PPP1R12B: variants seen among roughly 807,000 people sequenced by gnomAD.
PPP1R12B encodes the protein myosin phosphatase target subunit 2.
Under a neutral mutation model 126.1 loss-of-function variants are expected in PPP1R12B, and 76 were observed. The observed-to-expected ratio is 0.60, with a 90% CI of 0.50 to 0.73. The LOEUF (loss-of-function observed/expected upper bound fraction) is 0.73, where lower values mean the gene tolerates loss of function less well. Among genes scored for constraint, PPP1R12B ranks in the 30% least tolerant of loss-of-function variants. The probability of loss-of-function intolerance (pLI) is 0.00; values close to 1 mark genes in which losing one functional copy is unlikely to be tolerated. For missense variants in PPP1R12B, 1,052 were observed against 1,205.1 expected, an observed-to-expected ratio of 0.87 and a Z score of 1.88; for synonymous variants, 356 against 434.7, an observed-to-expected ratio of 0.82 and a Z score of 2.25.
At chr1:202,439,117 G>C (rs1322407219) in intron 10 of PPP1R12B, 9 of 1,566,060 alleles carry the variant, frequency 5.7e-6, no homozygotes, top group African/African-American at 2.7e-5. Flanking sequence ...TGACGTTCGA[G>C]GAGGAGGAGC....
intron 18 of PPP1R12B, among the ~76,000 whole-genome samples, chr1:202,504,473 T>A (rs1176639985): frequency 1.3e-5 from 2 of 152,218 alleles, no homozygotes; most frequent in Non-Finnish European, 1.5e-5. Flanking sequence ...TATTAAAATT[T>A]GATTTCTCTG....
chr1:202,536,518 G>GT (rs1157645075), intron 18 of PPP1R12B, among the ~76,000 whole-genome samples: 1 of 152,170 alleles, frequency 6.6e-6, no homozygotes, highest in Non-Finnish European at 1.5e-5. Context: ...TGAGCAAGTG[G>GT]TGAGTGAAGG....
chr1:202,562,179 C>G (rs1025167439), intron 19 of PPP1R12B, among the ~76,000 whole-genome samples: 2 of 152,152 alleles, frequency 1.3e-5, no homozygotes, highest in Non-Finnish European at 2.9e-5. Context: ...TGTCAAAATT[C>G]TAATCACAGG....
rs1684464605 is a variant in PPP1R12B, at chr1:202,535,706, G to A, written c.2491-23171G>A. Among the ~76,000 whole-genome samples the A allele has an allele frequency of 2.0e-5, 3 of 152,294 alleles. No homozygotes were observed. The South Asian group carries it at 6.2e-4, about 32-fold the overall frequency. On this transcript the variant is annotated intron_variant, in intron 18 of 23. Coordinates refer to ENST00000608999, the MANE Select transcript of PPP1R12B (RefSeq NM_002481.4). ...ACATCCTATCCTGCTTATCTGGAAT[G>A]AGTTATTTTCTAAACAAGTGGCTGT...
chr1:202,381,399 T>G (rs1370541067), intron 1 of PPP1R12B, among the ~76,000 whole-genome samples: 1 of 130,202 alleles, frequency 7.7e-6, no homozygotes, highest in African/African-American at 3.0e-5. Flanking sequence ...AGCTTTGGGG[T>G]GTGTGTGTGT....
At chr1:202,455,197 T>C (rs987634496) in intron 13 of PPP1R12B, among the ~76,000 whole-genome samples, 4 of 122,266 alleles carry the variant, frequency 3.3e-5, no homozygotes, top group Admixed American at 2.0e-4. Context: ...TATATACATA[T>C]ATATATATAG....
chr1:202,397,002 A>G (rs969486310), intron 1 of PPP1R12B, among the ~76,000 whole-genome samples: 2 of 152,090 alleles, frequency 1.3e-5, no homozygotes, highest in African/African-American at 4.8e-5. Flanking sequence ...TTTTATGTGA[A>G]TGCTTCTAAA....
At chr1:202,459,030 A>T (rs1404199927) in intron 13 of PPP1R12B, among the ~76,000 whole-genome samples, 4 of 152,204 alleles carry the variant, frequency 2.6e-5, no homozygotes, top group African/African-American at 9.7e-5. Flanking sequence ...AGAATGTTTT[A>T]TCTTAAGAGG....
intron 1 of PPP1R12B, among the ~76,000 whole-genome samples, chr1:202,357,957 C>T (rs756031897): frequency 3.7e-4 from 57 of 152,150 alleles, no homozygotes; most frequent in Non-Finnish European, 6.9e-4. Context: ...GATTTCTGTT[C>T]TAGCATTCTG....
chr1:202,523,655 C>G (rs1227327719), intron 18 of PPP1R12B, among the ~76,000 whole-genome samples: 1 of 152,124 alleles, frequency 6.6e-6, no homozygotes, highest in African/African-American at 2.4e-5. Flanking sequence ...GGCGCCATTG[C>G]AGGATTTTGA....
rs188859764 is a variant in PPP1R12B, at chr1:202,543,399, T to C, written c.2491-15478T>C. ...TTTGTATTTTGAAAATAATAAATAT[T>C]TTTAATTCTCTGAACACAAAATTAT... On this transcript the variant is annotated intron_variant, in intron 18 of 23. Coordinates refer to ENST00000608999, the MANE Select transcript of PPP1R12B (RefSeq NM_002481.4). 1.8e-3 allele frequency among the ~76,000 whole-genome samples: 275 copies of C among 152,278 alleles called. 2 individuals carry two copies. Among genetic ancestry groups the C allele is most frequent in the African/African-American group, 6.4e-3 (267 of 41,556 alleles).
chr1:202,386,149 A>G (rs1212682051), intron 1 of PPP1R12B, among the ~76,000 whole-genome samples: 1 of 151,236 alleles, frequency 6.6e-6, no homozygotes, highest in Non-Finnish European at 1.5e-5. Context: ...TAGCCAGGAT[A>G]GTCTCAATCT....
intron 18 of PPP1R12B, among the ~76,000 whole-genome samples, chr1:202,522,808 A>G (rs1682910891): frequency 6.6e-6 from 1 of 152,224 alleles, no homozygotes; most frequent in Non-Finnish European, 1.5e-5. Flanking sequence ...AAAACAGCAA[A>G]TGACAGAAAT....
chr1:202,559,551 A>T (rs1687306917), intron 19 of PPP1R12B, among the ~76,000 whole-genome samples: 1 of 152,236 alleles, frequency 6.6e-6, no homozygotes, highest in African/African-American at 2.4e-5. Context: ...ATCTTCTGAA[A>T]GAAGAAACTA....
intron 23 of PPP1R12B, among the ~76,000 whole-genome samples, chr1:202,580,188 A>T (rs1204558937): frequency 1.3e-5 from 2 of 152,240 alleles, no homozygotes; most frequent in Admixed American, 1.3e-4. Context: ...GAATGAAAGG[A>T]TATACAGTGT....
chr1:202,436,997 TAAATC>T (rs991344358), intron 9 of PPP1R12B, among the ~76,000 whole-genome samples: 1 of 152,152 alleles, frequency 6.6e-6, no homozygotes, highest in African/African-American at 2.4e-5. Context: ...TTATCAGTGT[TAAATC>T]ACTGTATCAT....
At position 202,495,557 on chromosome 1, in the gene PPP1R12B, T is replaced by C; in HGVS notation, c.2336-13T>C. ...GATTCTTAAAGTTCATACTTTATTTTATCTCTGGCCAGAGAATGAAGAAGC... is the reference window on the plus strand; with the variant it reads ...GATTCTTAAAGTTCATACTTTATTTCATCTCTGGCCAGAGAATGAAGAAGC... On this transcript the variant is annotated splice_polypyrimidine_tract_variant and intron_variant, in intron 16 of 23. Transcript: ENST00000608999. 6.2e-7 allele frequency: 1 copy of C among 1,613,288 alleles called. No individual in the cohort carries two copies. Among genetic ancestry groups the C allele is most frequent in the Non-Finnish European group, 8.5e-7 (1 of 1,179,272 alleles).
At chr1:202,353,805 G>A (rs1216222990) in intron 1 of PPP1R12B, among the ~76,000 whole-genome samples, 1 of 151,856 alleles carries the variant, frequency 6.6e-6, no homozygotes, top group African/African-American at 2.4e-5. Context: ...AGACAAGGGG[G>A]TCTCACTATG....
chr1:202,421,863 G>T (rs1406801308), intron 2 of PPP1R12B, among the ~76,000 whole-genome samples: 2 of 152,134 alleles, frequency 1.3e-5, no homozygotes, highest in Admixed American at 1.3e-4. Context: ...CAAGACTGGG[G>T]CTGTACCCTC....
Sources: gnomAD v4.1 joint callset for allele counts (sites outside exome capture counted in the v4.1 genomes callset) on GRCh38, gnomAD v4.1.1 for gene constraint, MANE v1.5 for transcripts, NCBI Gene and HGNC (gene_info 2026-07-23, HGNC 2026-07-21) for gene names.